TENM4: variants seen among roughly 807,000 people sequenced by gnomAD.
TENM4 encodes the protein teneurin-4.
A neutral mutation model predicts 243.3 loss-of-function variants in TENM4; 82 were observed. That is an observed-to-expected ratio of 0.34 (90% CI 0.28 to 0.40). The LOEUF (loss-of-function observed/expected upper bound fraction) is 0.40, where lower values mean the gene tolerates loss of function less well. TENM4 is among the 10% of genes least tolerant of loss of function. The probability of loss-of-function intolerance (pLI) is 1.00; values close to 1 mark genes in which losing one functional copy is unlikely to be tolerated. For synonymous variants in TENM4, 1,412 were observed against 1,456.3 expected (o/e 0.97, Z 0.69); for missense variants, 3,138 against 3,673.3 (o/e 0.85, Z 3.77).
chr11:78,709,849 G>A (rs1859355538), intron 26 of TENM4, among the ~76,000 whole-genome samples: 1 of 152,148 alleles, frequency 6.6e-6, no homozygotes, highest in Admixed American at 6.5e-5. Context: ...CCAGGAACAG[G>A]GTGCTTTAAT....
At chr11:79,215,724 G>A (rs951252851) in intron 3 of TENM4, 84 bp downstream of exon 3, 1 of 975,898 alleles carries the variant, frequency 1.0e-6, no homozygotes, top group Non-Finnish European at 1.2e-6. Flanking sequence ...ACATGCAAAT[G>A]TTCAGAGTCT....
At chr11:78,795,843 A>T (rs1366577645) in intron 15 of TENM4, among the ~76,000 whole-genome samples, 2 of 152,186 alleles carry the variant, frequency 1.3e-5, no homozygotes, top group African/African-American at 4.8e-5. Context: ...GGTTTCAGGA[A>T]GAAGCCAGAA....
At chr11:79,135,834 T>A (rs1434618234) in intron 4 of TENM4, among the ~76,000 whole-genome samples, 1 of 149,144 alleles carries the variant, frequency 6.7e-6, no homozygotes, top group Non-Finnish European at 1.5e-5. Flanking sequence ...ATATATCATA[T>A]ATATGATGGA....
Position 79,022,775 on chromosome 11 carries a change from C to T in TENM4, c.493+41963G>A, listed in dbSNP as rs148930913. Among the ~76,000 whole-genome samples the T allele has an allele frequency of 2.2e-3, 337 of 152,134 alleles. 1 individual carries two copies. The highest frequency in any genetic ancestry group is 7.8e-3 in the African/African-American group (322 of 41,504). Reference sequence around the variant, plus strand: ...GATGGATGAAGATTGTGGTGATAAGCATGATGAATATATTGAGAAGGTGAA... The same window carrying T: ...GATGGATGAAGATTGTGGTGATAAGTATGATGAATATATTGAGAAGGTGAA... On this transcript the variant is annotated intron_variant, in intron 6 of 33. Coordinates refer to ENST00000278550, the MANE Select transcript of TENM4 (RefSeq NM_001098816.3).
At chr11:79,403,413 C>A (rs1194777708) in intron 1 of TENM4, among the ~76,000 whole-genome samples, 1 of 152,020 alleles carries the variant, frequency 6.6e-6, no homozygotes, top group Non-Finnish European at 1.5e-5. Flanking sequence ...AGCAACTCTG[C>A]GAGGTAGTCA....
intron 1 of TENM4, among the ~76,000 whole-genome samples, chr11:79,431,199 T>A (rs1565343792): frequency 1.3e-5 from 2 of 152,254 alleles, no homozygotes; most frequent in East Asian, 1.9e-4. Flanking sequence ...TATCTACTTT[T>A]AAAAATACTT....
At chr11:79,375,728 T>C (rs1299013502) in intron 1 of TENM4, among the ~76,000 whole-genome samples, 4 of 152,162 alleles carry the variant, frequency 2.6e-5, no homozygotes, top group African/African-American at 9.7e-5. Flanking sequence ...TAATCAAAGC[T>C]GTATAAATGC....
At chr11:78,962,683 T>C (rs1482354382) in intron 6 of TENM4, among the ~76,000 whole-genome samples, 1 of 152,222 alleles carries the variant, frequency 6.6e-6, no homozygotes, top group Non-Finnish European at 1.5e-5. Flanking sequence ...AGGTGATCTA[T>C]CAAACAGCTG....
intron 1 of TENM4, among the ~76,000 whole-genome samples, chr11:79,319,956 C>G (rs1856860743): frequency 6.6e-6 from 1 of 152,146 alleles, no homozygotes; most frequent in Admixed American, 6.6e-5. Flanking sequence ...AGAGGCTCTA[C>G]CAGTGATTAA....
chr11:79,146,236 G>A (rs1250325447), intron 4 of TENM4, among the ~76,000 whole-genome samples: 1 of 152,050 alleles, frequency 6.6e-6, no homozygotes, highest in Non-Finnish European at 1.5e-5. Context: ...CCCAGAAAGG[G>A]GCATTTCTAG....
intron 1 of TENM4, among the ~76,000 whole-genome samples, chr11:79,333,635 G>A (rs898991889): frequency 6.6e-6 from 1 of 152,108 alleles, no homozygotes; most frequent in Non-Finnish European, 1.5e-5. Context: ...CATAACAATT[G>A]TTTTCACAGC....
At chr11:79,316,597 A>G (rs1027310043) in intron 1 of TENM4, among the ~76,000 whole-genome samples, 4 of 152,176 alleles carry the variant, frequency 2.6e-5, no homozygotes, top group Admixed American at 6.5e-5. Flanking sequence ...TCACCCTTAA[A>G]ACAAGTATTG....
intron 2 of TENM4, among the ~76,000 whole-genome samples, chr11:79,294,088 T>C (rs1428549576): frequency 1.3e-5 from 2 of 152,222 alleles, no homozygotes; most frequent in Non-Finnish European, 1.5e-5. Flanking sequence ...ATCCTAGTCC[T>C]GTCTTTAATG....
At chr11:78,890,372 C>G (rs753455157) in intron 8 of TENM4, among the ~76,000 whole-genome samples, 17 of 152,174 alleles carry the variant, frequency 1.1e-4, no homozygotes, top group Non-Finnish European at 2.9e-5. Context: ...AATAAACTTC[C>G]TATTCTCTAA....
At chr11:79,335,645 G>C (rs1157077108) in intron 1 of TENM4, among the ~76,000 whole-genome samples, 1 of 152,164 alleles carries the variant, frequency 6.6e-6, no homozygotes, top group African/African-American at 2.4e-5. Context: ...AGACCAGAAA[G>C]GGACAGGATT....
chr11:79,329,326 G>C (rs565252658), intron 1 of TENM4, among the ~76,000 whole-genome samples: 1 of 152,286 alleles, frequency 6.6e-6, no homozygotes, highest in South Asian at 2.1e-4. Context: ...TGACGGGAGA[G>C]GCCTTTGCTG....
At chr11:79,104,563 C>T (rs980549213) in intron 4 of TENM4, among the ~76,000 whole-genome samples, 1 of 152,194 alleles carries the variant, frequency 6.6e-6, no homozygotes, top group African/African-American at 2.4e-5. Context: ...AGGAGGCATG[C>T]TATTTCCCCA....
At chr11:79,086,655 G>A (rs1265948169) in intron 4 of TENM4, among the ~76,000 whole-genome samples, 1 of 152,086 alleles carries the variant, frequency 6.6e-6, no homozygotes, top group Non-Finnish European at 1.5e-5. Flanking sequence ...CCAACATGGT[G>A]AAACCTCATC....
intron 26 of TENM4, 130 bp downstream of exon 26, chr11:78,712,352 G>GT: frequency 1.3e-6 from 1 of 756,654 alleles, no homozygotes. Flanking sequence ...AATTATCACA[G>GT]TTTTTACCAT....
Sources: gnomAD v4.1 joint callset for allele counts (sites outside exome capture counted in the v4.1 genomes callset) on GRCh38, gnomAD v4.1.1 for gene constraint, MANE v1.5 for transcripts, NCBI Gene and HGNC (gene_info 2026-07-23, HGNC 2026-07-21) for gene names.